Variants in UTRN observed in about 807,000 individuals in gnomAD.
The protein encoded by UTRN is utrophin.
A neutral mutation model predicts 463.9 loss-of-function variants in UTRN; 283 were observed. That is an observed-to-expected ratio of 0.61 (90% CI 0.55 to 0.67). The LOEUF (loss-of-function observed/expected upper bound fraction) is 0.67, where lower values mean the gene tolerates loss of function less well. Among genes scored for constraint, UTRN ranks in the 30% least tolerant of loss-of-function variants. The pLI, the probability that UTRN is intolerant of heterozygous loss-of-function variation, is 0.00. For synonymous variants in UTRN, 1,442 were observed against 1,431.5 expected (o/e 1.01, Z -0.17); for missense variants, 3,922 against 4,084.3 (o/e 0.96, Z 1.08).
chr6:144,411,037 G>A (rs1002077535), intron 3 of UTRN, among the ~76,000 whole-genome samples: 1 of 152,180 alleles, frequency 6.6e-6, no homozygotes, highest in African/African-American at 2.4e-5. Flanking sequence ...ACATGAGTGT[G>A]CAAGCATCTT....
chr6:144,834,806 C>G (rs1027674954), intron 69 of UTRN, among the ~76,000 whole-genome samples: 1 of 152,192 alleles, frequency 6.6e-6, no homozygotes, highest in Non-Finnish European at 1.5e-5. Flanking sequence ...CAGGAAGGAG[C>G]TGCTTCAGTC....
intron 2 of UTRN, among the ~76,000 whole-genome samples, chr6:144,294,712 A>C (rs1229469907): frequency 6.6e-6 from 1 of 152,166 alleles, no homozygotes; most frequent in Non-Finnish European, 1.5e-5. Flanking sequence ...AAAAATGTCT[A>C]TGCATTTTAT....
intron 27 of UTRN, among the ~76,000 whole-genome samples, chr6:144,482,657 A>G (rs965771209): frequency 1.3e-5 from 2 of 152,138 alleles, no homozygotes; most frequent in Non-Finnish European, 2.9e-5. Flanking sequence ...TTGTATATTC[A>G]AACTTTACTT....
intron 25 of UTRN, among the ~76,000 whole-genome samples, chr6:144,478,204 GA>G (rs1362694016): frequency 6.6e-6 from 1 of 151,906 alleles, no homozygotes; most frequent in African/African-American, 2.4e-5. Flanking sequence ...ATGATATCCT[GA>G]AAAAAAGGAA....
intron 2 of UTRN, among the ~76,000 whole-genome samples, chr6:144,304,065 A>G (rs1035862210): frequency 6.6e-6 from 1 of 152,214 alleles, no homozygotes; most frequent in African/African-American, 2.4e-5. Flanking sequence ...AATTCAGGTA[A>G]CAAATGCTTT....
chr6:144,657,942 A>G (rs906418573), intron 51 of UTRN, among the ~76,000 whole-genome samples: 3 of 151,892 alleles, frequency 2.0e-5, no homozygotes, highest in Non-Finnish European at 4.4e-5. Flanking sequence ...TTTGTCTTGT[A>G]TTTATGTAAA....
intron 51 of UTRN, among the ~76,000 whole-genome samples, chr6:144,620,416 C>A (rs1376435385): frequency 6.6e-6 from 1 of 151,248 alleles, no homozygotes; most frequent in African/African-American, 2.4e-5. Flanking sequence ...GACTTACAGG[C>A]CTTTCTTATT....
rs1171347432 is a variant in UTRN, at chr6:144,700,146, T to C, written c.7712T>C (p.Leu2571Pro). 6 of 1,613,680 alleles carry C rather than the reference T, an allele frequency of 3.7e-6. No homozygotes were observed. The highest frequency in any genetic ancestry group is 4.2e-6 in the Non-Finnish European group (5 of 1,179,712). Reference sequence around the variant, plus strand: ...AGGTTGCTGATGTCCTTAGAAGAACTGATCAAATGGCTGAATATGAAAGAT... The same window carrying C: ...AGGTTGCTGATGTCCTTAGAAGAACCGATCAAATGGCTGAATATGAAAGAT... The part of the protein sequence containing the change: ...WNRLLMSLEE[L>P]IKWLNMKDEE... Residue 2571 changes from leucine to proline, a missense_variant, in exon 53 of 75, where the codon CTG becomes CCG. Coordinates refer to ENST00000367545, the MANE Select transcript of UTRN (RefSeq NM_007124.3).
intron 53 of UTRN, among the ~76,000 whole-genome samples, chr6:144,726,327 C>T (rs968699251): frequency 1.3e-5 from 2 of 152,022 alleles, no homozygotes; most frequent in African/African-American, 2.4e-5. Flanking sequence ...TTTTATAGTT[C>T]CCTGAGGGCG....
intron 43 of UTRN, among the ~76,000 whole-genome samples, chr6:144,537,081 G>A (rs9403564): frequency 0.084 from 12,799 of 151,984 alleles, 1,157 homozygotes; most frequent in East Asian, 0.54. Flanking sequence ...TCCCATTCTT[G>A]ATACCTTGCT....
At chr6:144,843,256 G>A (rs1170899647) in intron 73 of UTRN, among the ~76,000 whole-genome samples, 1 of 151,742 alleles carries the variant, frequency 6.6e-6, no homozygotes, top group Non-Finnish European at 1.5e-5. Context: ...AGCCAGGATG[G>A]GAAATGTGTT....
chr6:144,558,699 A>T (rs1281747134), intron 50 of UTRN, among the ~76,000 whole-genome samples: 1 of 152,070 alleles, frequency 6.6e-6, no homozygotes, highest in African/African-American at 2.4e-5. Context: ...CTTTATGGCC[A>T]TCTCCAAGAC....
intron 51 of UTRN, among the ~76,000 whole-genome samples, chr6:144,653,459 G>A (rs759779324): frequency 6.6e-5 from 10 of 152,018 alleles, no homozygotes; most frequent in East Asian, 5.8e-4. Context: ...GGTGGCAGGC[G>A]CCTGTAGTCC....
At chr6:144,547,193 T>G (rs1226078441) in intron 46 of UTRN, among the ~76,000 whole-genome samples, 1 of 152,256 alleles carries the variant, frequency 6.6e-6, no homozygotes, top group Non-Finnish European at 1.5e-5. Flanking sequence ...CACATTTTTA[T>G]GTTTATTGCC....
chr6:144,689,757 G>T (rs1186273521), intron 52 of UTRN, among the ~76,000 whole-genome samples: 4 of 152,166 alleles, frequency 2.6e-5, no homozygotes, highest in Admixed American at 2.6e-4. Context: ...TTAGTGTGTT[G>T]GCTTTCTCAC....
intron 4 of UTRN, 111 bp downstream of exon 4, chr6:144,422,081 T>C: frequency 2.5e-6 from 2 of 809,726 alleles, no homozygotes; most frequent in Non-Finnish European, 3.6e-6. Flanking sequence ...TACGTTCAAA[T>C]GTAAAGGCTG....
At chr6:144,719,795 G>A (rs1460224483) in intron 53 of UTRN, among the ~76,000 whole-genome samples, 1 of 152,198 alleles carries the variant, frequency 6.6e-6, no homozygotes, top group Non-Finnish European at 1.5e-5. Context: ...CATGGGAGGA[G>A]GGTTTTAAAC....
At chr6:144,598,310 G>A (rs1194100646) in intron 51 of UTRN, among the ~76,000 whole-genome samples, 1 of 152,206 alleles carries the variant, frequency 6.6e-6, no homozygotes, top group Non-Finnish European at 1.5e-5. Flanking sequence ...CATGTCGTAG[G>A]AGGATTCAAA....
chr6:144,651,019 A>G (rs1021804735), intron 51 of UTRN, among the ~76,000 whole-genome samples: 3 of 152,050 alleles, frequency 2.0e-5, no homozygotes. Flanking sequence ...TTAACTCATA[A>G]CAAGTTTTCT....
Sources: gnomAD v4.1 joint callset for allele counts (sites outside exome capture counted in the v4.1 genomes callset) on GRCh38, gnomAD v4.1.1 for gene constraint, MANE v1.5 for transcripts, NCBI Gene and HGNC (gene_info 2026-07-23, HGNC 2026-07-21) for gene names.